PKHD1: variants seen among roughly 807,000 people sequenced by gnomAD.
PKHD1 encodes the protein PKHD1 ciliary IPT domain containing fibrocystin/polyductin.
Under a neutral mutation model 412.0 loss-of-function variants are expected in PKHD1, and 291 were observed. The observed-to-expected ratio is 0.71, with a 90% CI of 0.64 to 0.78. The LOEUF (loss-of-function observed/expected upper bound fraction) is 0.78. PKHD1 is among the 30% of genes least tolerant of loss of function. The probability of loss-of-function intolerance (pLI) is 0.00; values close to 1 mark genes in which losing one functional copy is unlikely to be tolerated. For missense variants in PKHD1, 4,825 were observed against 4,950.7 expected, an observed-to-expected ratio of 0.97 and a Z score of 0.76; for synonymous variants, 1,777 against 1,821.5, an observed-to-expected ratio of 0.98 and a Z score of 0.62.
intron 12 of PKHD1, 146 bp from the exon 13 acceptor site, chr6:52,065,196 G>GAGAGAGAGAGACAGAGAGAGAGAA (rs1809489602): frequency 5.6e-6 from 1 of 178,736 alleles, no homozygotes; most frequent in African/African-American, 2.5e-5. Flanking sequence ...GAGAGAGAGA[G>GAGAGAGAGAGACAGAGAGAGAGAA]ACAGAGAGAG....
At chr6:51,842,411 C>A (rs576748274) in intron 50 of PKHD1, among the ~76,000 whole-genome samples, 2 of 152,144 alleles carry the variant, frequency 1.3e-5, no homozygotes, top group East Asian at 1.9e-4. Context: ...CCCTAAAGAG[C>A]CTTTTACCAA....
chr6:51,982,796 G>A (rs1297574936), intron 35 of PKHD1, among the ~76,000 whole-genome samples: 63 of 61,768 alleles, frequency 1.0e-3, no homozygotes, highest in Non-Finnish European at 1.8e-3. Flanking sequence ...AAACACCCAA[G>A]AATGATCAAT....
rs1282214479 is a variant in PKHD1, at chr6:52,046,102, T to C, written c.2494A>G (p.Ser832Gly). The change falls in exon 24 of 67, where the codon AGT (serine) becomes GGT (glycine). Residue 832 changes from serine to glycine, a missense_variant. Coordinates refer to ENST00000371117, the MANE Select transcript of PKHD1 (RefSeq NM_138694.4). ...DDFTSRYLNASDFTVKEDLYT... is the reference protein window; with the variant it reads ...DDFTSRYLNAGDFTVKEDLYT... ...AGATCCTCCTTCACAGTGAAGTCAC[T>C]GGCATTGAGGTACCTGGATGTGAAG... 2 of 1,613,442 alleles carry C rather than the reference T, an allele frequency of 1.2e-6. No individual in the cohort carries two copies. Among genetic ancestry groups the C allele is most frequent in the Middle Eastern group, 1.7e-4 (1 of 6,056 alleles).
intron 37 of PKHD1, among the ~76,000 whole-genome samples, chr6:51,921,067 A>T (rs980688331): frequency 6.6e-6 from 1 of 152,084 alleles, no homozygotes; most frequent in Non-Finnish European, 1.5e-5. Context: ...TCTTTTCAAA[A>T]AACCAGCTCC....
chr6:51,635,915 T>A, intron 64 of PKHD1, among the ~76,000 whole-genome samples: 1 of 149,952 alleles, frequency 6.7e-6, no homozygotes, highest in Non-Finnish European at 1.5e-5. Flanking sequence ...TACATTAATC[T>A]CTTCTCAGCA....
At chr6:51,935,276 A>G (rs1787289607) in intron 36 of PKHD1, among the ~76,000 whole-genome samples, 1 of 152,232 alleles carries the variant, frequency 6.6e-6, no homozygotes, top group Non-Finnish European at 1.5e-5. Context: ...TTCGTTTATA[A>G]TAGAATTATT....
chr6:52,002,668 A>C (rs1798578509), intron 35 of PKHD1, among the ~76,000 whole-genome samples: 1 of 152,246 alleles, frequency 6.6e-6, no homozygotes, highest in East Asian at 1.9e-4. Context: ...GTCTAAAAGG[A>C]AAAAAAGAAA....
In PKHD1 at chr6:51,670,528, G is replaced by C. The variant is rs537907834; in HGVS notation, c.10157-10559C>G. On this transcript the variant is annotated intron_variant, in intron 60 of 66. Coordinates refer to ENST00000371117, the MANE Select transcript of PKHD1 (RefSeq NM_138694.4). ...TTTGCCAGTCTGTGTCTTTTAATTGGAGCATTTAGTCCATTTACATTTAAA... is the reference window on the plus strand; with the variant it reads ...TTTGCCAGTCTGTGTCTTTTAATTGCAGCATTTAGTCCATTTACATTTAAA... Among the ~76,000 whole-genome samples the C allele has an allele frequency of 4.8e-4, 73 of 151,446 alleles. 1 individual carries two copies. Among genetic ancestry groups the C allele is most frequent in the African/African-American group, 1.7e-3 (70 of 41,338 alleles).
At chr6:51,695,773 C>T (rs555351553) in intron 60 of PKHD1, among the ~76,000 whole-genome samples, 12 of 152,234 alleles carry the variant, frequency 7.9e-5, no homozygotes, top group Non-Finnish European at 1.0e-4. Context: ...TAAATTTCTA[C>T]GTTTTGTAGA....
chr6:51,745,184 T>C (rs1785038868), intron 59 of PKHD1, among the ~76,000 whole-genome samples: 1 of 152,206 alleles, frequency 6.6e-6, no homozygotes, highest in African/African-American at 2.4e-5. Context: ...TATTGAGTAT[T>C]ATCAGCACAA....
intron 20 of PKHD1, among the ~76,000 whole-genome samples, chr6:52,053,632 C>T (rs764449953): frequency 1.3e-5 from 2 of 152,122 alleles, no homozygotes; most frequent in Non-Finnish European, 2.9e-5. Context: ...ATTTACAAGA[C>T]CCATGAGAAT....
At chr6:51,940,465 A>T (rs1279454818) in intron 36 of PKHD1, among the ~76,000 whole-genome samples, 1 of 151,682 alleles carries the variant, frequency 6.6e-6, no homozygotes, top group Non-Finnish European at 1.5e-5. Flanking sequence ...CAAGTGCTGG[A>T]AATCTGGCCA....
At chr6:52,028,449 T>C in intron 29 of PKHD1, 98 bp from the exon 30 acceptor site, 3 of 1,108,108 alleles carry the variant, frequency 2.7e-6, no homozygotes, top group South Asian at 2.6e-5. Context: ...AAATTCACAG[T>C]CACCCCTATG....
chr6:51,816,577 A>C (rs927205380), intron 52 of PKHD1, among the ~76,000 whole-genome samples: 7 of 152,350 alleles, frequency 4.6e-5, no homozygotes, highest in Admixed American at 2.0e-4. Context: ...GCTTCTCTGC[A>C]TATAGTTAAT....
At chr6:51,620,553 C>G (rs1766476259) in intron 66 of PKHD1, among the ~76,000 whole-genome samples, 1 of 152,016 alleles carries the variant, frequency 6.6e-6, no homozygotes, top group Non-Finnish European at 1.5e-5. Flanking sequence ...TCACATCTCA[C>G]CACCAAATAC....
At chr6:51,906,418 G>T in intron 40 of PKHD1, 78 bp from the exon 41 acceptor site, 2 of 1,079,226 alleles carry the variant, frequency 1.9e-6, no homozygotes, top group Non-Finnish European at 2.9e-6. Context: ...AACCTACACT[G>T]TAGCTAAAGA....
At chr6:51,653,499 C>T (rs562814071) in intron 61 of PKHD1, among the ~76,000 whole-genome samples, 1 of 152,244 alleles carries the variant, frequency 6.6e-6, no homozygotes, top group South Asian at 2.1e-4. Flanking sequence ...CTCTGAAAAA[C>T]TACCACTCAT....
chr6:51,679,254 A>G (rs576655179), intron 60 of PKHD1, among the ~76,000 whole-genome samples: 1 of 152,210 alleles, frequency 6.6e-6, no homozygotes, highest in East Asian at 1.9e-4. Context: ...AGTTGTATAA[A>G]TAAATGAATT....
chr6:51,713,918 C>T (rs577313327), intron 60 of PKHD1, among the ~76,000 whole-genome samples: 1 of 152,274 alleles, frequency 6.6e-6, no homozygotes, highest in East Asian at 1.9e-4. Flanking sequence ...TAGTCTCTCA[C>T]CTGTAGACTC....
Sources: allele counts gnomAD v4.1 joint callset (sites outside exome capture counted in the v4.1 genomes callset), GRCh38; gene constraint gnomAD v4.1.1; transcripts MANE v1.5; gene names NCBI Gene and HGNC (gene_info 2026-07-23, HGNC 2026-07-21).